The following PLA2G4C variants were observed in gnomAD, a reference collection of about 807,000 sequenced individuals.
PLA2G4C encodes cytosolic phospholipase A2 gamma.
In PLA2G4C, 64 loss-of-function variants were observed where a neutral mutation model predicts 73.8. That is an observed-to-expected ratio of 0.87 (90% confidence interval 0.71 to 1.07). The LOEUF (loss-of-function observed/expected upper bound fraction) is 1.07. PLA2G4C is among the 50% of genes least tolerant of loss of function. PLA2G4C has a pLI of 0.00. For synonymous variants in PLA2G4C, 254 were observed against 252.1 expected, an observed-to-expected ratio of 1.01 and a Z score of -0.07; for missense variants, 622 against 665.4, an observed-to-expected ratio of 0.93 and a Z score of 0.72.
At chr19:48,104,530 G>GA in intron 4 of PLA2G4C, 58 bp downstream of exon 4, 1 of 1,567,166 alleles carries the variant, frequency 6.4e-7, no homozygotes, top group Non-Finnish European at 8.8e-7. Context: ...GTGTCAGGAG[G>GA]AAAAAAATAA....
At chr19:48,091,135 C>T (rs1043323046) in intron 7 of PLA2G4C, among the ~76,000 whole-genome samples, 3 of 152,108 alleles carry the variant, frequency 2.0e-5, no homozygotes, top group Non-Finnish European at 2.9e-5. Context: ...AACCTGGGTC[C>T]TTCTGCTTAA....
chr19:48,053,527 G>A (rs552518759), intron 15 of PLA2G4C, among the ~76,000 whole-genome samples: 2 of 151,914 alleles, frequency 1.3e-5, no homozygotes, highest in South Asian at 2.1e-4. Flanking sequence ...GCATCACCAC[G>A]CTTGGCTAAT....
At chr19:48,077,690 GT>G (rs2122561801) in intron 11 of PLA2G4C, 80 bp downstream of exon 11, 3 of 1,087,480 alleles carry the variant, frequency 2.8e-6, no homozygotes, top group East Asian at 2.7e-5. Flanking sequence ...GACACGTAAA[GT>G]TTTTAGGACA....
chr19:48,063,373 C>G (rs1968272242), intron 13 of PLA2G4C, among the ~76,000 whole-genome samples: 1 of 152,120 alleles, frequency 6.6e-6, no homozygotes, highest in African/African-American at 2.4e-5. Flanking sequence ...GCCTTTCCAA[C>G]TGGAGGCAAT....
chr19:48,058,601 T>A (rs1968050463), intron 14 of PLA2G4C, among the ~76,000 whole-genome samples: 1 of 152,036 alleles, frequency 6.6e-6, no homozygotes, highest in Non-Finnish European at 1.5e-5. Flanking sequence ...GCGGATCACC[T>A]GAGGTCAGGA....
At position 48,067,673 on chromosome 19, in the gene PLA2G4C, C is replaced by G. The variant is rs1314471843; in HGVS notation, c.1102+118G>C. The G allele has an allele frequency of 1.3e-4, 95 of 744,244 alleles. 6 individuals are homozygous for G. In the South Asian group the frequency reaches 1.3e-3, roughly 10 times the overall value. 46.1% of individuals were successfully genotyped at this position (744,244 alleles called of 1,614,324 possible). The stretch of plus-strand genomic sequence containing the variant: ...ATCCCTGGGCCCTTTGACACCACCC[C>G]CCTCCAAAGCTCTGGGGAAGGACCA... On this transcript the variant is annotated intron_variant, in intron 13 of 16. Coordinates refer to ENST00000599921, the MANE Select transcript of PLA2G4C (RefSeq NM_003706.3).
At chr19:48,052,895 T>A in intron 16 of PLA2G4C, 102 bp downstream of exon 16, 1 of 1,297,456 alleles carries the variant, frequency 7.7e-7, no homozygotes, top group Non-Finnish European at 1.1e-6. Context: ...CTGCCTATCT[T>A]TTTTCACCCA....
In PLA2G4C at chr19:48,077,839, A is replaced by G. The variant is rs752363717; in HGVS notation, c.845-15T>C. ...CAGTAATCGGGCTGCAAAAGAGCAG[A>G]GGCAGGGGGAATGTTTAACTGTAAA... On this transcript the variant is annotated splice_polypyrimidine_tract_variant and intron_variant, in intron 10 of 16. Transcript: ENST00000599921. 1.9e-6 allele frequency: 3 copies of G among 1,601,228 alleles called. No individual in the cohort carries two copies. Among genetic ancestry groups the G allele is most frequent in the Non-Finnish European group, 2.6e-6 (3 of 1,173,818 alleles).
intron 10 of PLA2G4C, among the ~76,000 whole-genome samples, chr19:48,083,810 C>T (rs893010902): frequency 4.6e-5 from 7 of 151,948 alleles, no homozygotes; most frequent in Admixed American, 3.3e-4. Flanking sequence ...GGGTCACTAA[C>T]GCATGAGAGG....
intron 10 of PLA2G4C, among the ~76,000 whole-genome samples, chr19:48,083,013 A>C (rs893183877): frequency 4.0e-5 from 6 of 149,462 alleles, no homozygotes; most frequent in Non-Finnish European, 8.9e-5. Flanking sequence ...ACGGAGTTTC[A>C]CCATGTTAGC....
chr19:48,079,264 C>G (rs2030382144), intron 10 of PLA2G4C, among the ~76,000 whole-genome samples: 1 of 152,150 alleles, frequency 6.6e-6, no homozygotes. Flanking sequence ...ATTACCCAAT[C>G]AAATTATACT....
intron 10 of PLA2G4C, among the ~76,000 whole-genome samples, chr19:48,081,105 C>T (rs1214602598): frequency 1.3e-5 from 2 of 149,164 alleles, no homozygotes; most frequent in Non-Finnish European, 1.5e-5. Context: ...GCGGAGCTTG[C>T]GGTGAGCCGA....
intron 16 of PLA2G4C, 132 bp downstream of exon 16, chr19:48,052,865 A>T: frequency 1.1e-6 from 1 of 909,414 alleles, no homozygotes; most frequent in Non-Finnish European, 1.7e-6. Context: ...GCTGAGACGC[A>T]AGCTCAAGTA....
In PLA2G4C at chr19:48,105,215, A is replaced by C. The variant is rs1653554; in HGVS notation, c.120+118T>G. On this transcript the variant is annotated intron_variant, in intron 3 of 16. Coordinates refer to ENST00000599921, the MANE Select transcript of PLA2G4C (RefSeq NM_003706.3). ...TAGAAGTTCATATCCTTCTATTTCT[A>C]TCCCATAGAAGTTCATATCCTTCGG... The C allele has an allele frequency of 3.2e-5, 22 of 677,394 alleles. No homozygotes were observed. In the African/African-American group the frequency reaches 3.3e-4, roughly 10 times the overall value. 42.0% of individuals were successfully genotyped at this position (677,394 alleles called of 1,614,324 possible). A position where few individuals can be genotyped will look rare whatever the true frequency, so the allele number is the denominator to read the frequency against.
chr19:48,105,073 A>G (rs905581508), intron 3 of PLA2G4C, among the ~76,000 whole-genome samples: 1 of 119,806 alleles, frequency 8.3e-6, no homozygotes, highest in African/African-American at 3.2e-5. Flanking sequence ...ACAGAGCGAG[A>G]CGTTGTCTCA....
At chr19:48,063,050 A>C (rs1968252990) in intron 13 of PLA2G4C, among the ~76,000 whole-genome samples, 1 of 151,772 alleles carries the variant, frequency 6.6e-6, no homozygotes, top group Non-Finnish European at 1.5e-5. Context: ...GAATGGTTGC[A>C]TTCTTTTTTT....
At chr19:48,091,690 G>A (rs1654383) in intron 7 of PLA2G4C, among the ~76,000 whole-genome samples, 14,091 of 151,786 alleles carry the variant, frequency 0.093, 1,393 homozygotes, top group African/African-American at 0.25. Context: ...GGAGTTTAAA[G>A]TCAGCCTGGC....
At chr19:48,073,993 T>G (rs564052588) in intron 12 of PLA2G4C, among the ~76,000 whole-genome samples, 1 of 149,918 alleles carries the variant, frequency 6.7e-6, no homozygotes, top group Non-Finnish European at 1.5e-5. Flanking sequence ...AATTTAATTT[T>G]AAGTTCCGGG....
chr19:48,065,999 A>C (rs1968403635), intron 13 of PLA2G4C, among the ~76,000 whole-genome samples: 1 of 151,968 alleles, frequency 6.6e-6, no homozygotes, highest in Non-Finnish European at 1.5e-5. Context: ...AGGCAGGAGA[A>C]TCGCTTAAAC....
Sources: gnomAD v4.1 joint callset for allele counts (sites outside exome capture counted in the v4.1 genomes callset) on GRCh38, gnomAD v4.1.1 for gene constraint, MANE v1.5 for transcripts, NCBI Gene and HGNC (gene_info 2026-07-23, HGNC 2026-07-21) for gene names.